The following SNRPD1 variants were observed in gnomAD, a reference collection of about 807,000 sequenced individuals.
SNRPD1 encodes the protein small nuclear ribonucleoprotein D1 polypeptide, also known as small nuclear ribonucleoprotein Sm D1.
In SNRPD1, 1 loss-of-function variant was observed where a neutral mutation model predicts 14.4. The observed-to-expected ratio is 0.07, with a 90% CI of 0.02 to 0.33. The LOEUF is 0.33. Ranked by LOEUF, SNRPD1 falls within the 10% of genes least tolerant of loss-of-function variation. The pLI is 1.00. For synonymous variants in SNRPD1, 42 were observed against 50.3 expected (o/e 0.83, Z 0.70); for missense variants, 52 against 146.4 (o/e 0.36, Z 3.33).
At chr18:21,623,494 G>T (rs1264786816) in intron 2 of SNRPD1, among the ~76,000 whole-genome samples, 1 of 152,162 alleles carries the variant, frequency 6.6e-6, no homozygotes, top group Non-Finnish European at 1.5e-5. Context: ...GCCCAGTCAG[G>T]GTTCTTCCAT....
chr18:21,625,686 CT>C (rs1346249975), intron 3 of SNRPD1, among the ~76,000 whole-genome samples: 4 of 152,178 alleles, frequency 2.6e-5, no homozygotes, highest in Admixed American at 2.6e-4. Context: ...TCTCGGCTCA[CT>C]GCAAGCTCCG....
chr18:21,626,028 A>G (rs537057466), intron 3 of SNRPD1, among the ~76,000 whole-genome samples: 18 of 152,312 alleles, frequency 1.2e-4, no homozygotes, highest in South Asian at 1.0e-3. Context: ...AGTGTGGTCA[A>G]TTTGGCCCAT....
intron 1 of SNRPD1, among the ~76,000 whole-genome samples, chr18:21,615,573 A>G (rs1023516328): frequency 2.0e-5 from 3 of 152,062 alleles, no homozygotes; most frequent in African/African-American, 7.2e-5. Context: ...AGCTGAGATC[A>G]CGCCATTGCA....
chr18:21,631,924 A>G lies in SNRPD1; in HGVS notation c.*2786A>G, dbSNP rs1325354003. The G allele has an allele frequency of 1.3e-5, 2 of 152,134 alleles. No homozygotes were observed. The highest frequency in any genetic ancestry group is 2.9e-5 in the Non-Finnish European group (2 of 68,040). 9.4% of individuals were successfully genotyped at this position (152,134 alleles called of 1,614,324 possible). A position where few individuals can be genotyped will look rare whatever the true frequency, so the allele number is the denominator to read the frequency against. ...AACCCTGCAAGAGTAGGAAATAAAC[A>G]GTTGGCTCCTGTCCTCGTGGAGCTT... is the stretch of plus-strand genomic sequence containing the variant. On this transcript the variant is annotated 3_prime_UTR_variant, in exon 4 of 4. Transcript: ENST00000300413.
At chr18:21,612,795 C>T (rs1310545775) in intron 1 of SNRPD1, among the ~76,000 whole-genome samples, 1 of 152,234 alleles carries the variant, frequency 6.6e-6, no homozygotes, top group East Asian at 1.9e-4. Context: ...ACTTAGAAAG[C>T]TGTATGAGCT....
chr18:21,625,008 C>A (rs185881584), intron 3 of SNRPD1, among the ~76,000 whole-genome samples: 3 of 152,098 alleles, frequency 2.0e-5, no homozygotes, highest in Non-Finnish European at 2.9e-5. Flanking sequence ...AGTACAGATA[C>A]AACCATCATA....
chr18:21,612,992 C>A (rs1437897370), intron 1 of SNRPD1, among the ~76,000 whole-genome samples: 2 of 152,144 alleles, frequency 1.3e-5, no homozygotes, highest in East Asian at 3.9e-4. Flanking sequence ...TTTGAGCCAC[C>A]GTGCCCGGCC....
intron 1 of SNRPD1, among the ~76,000 whole-genome samples, chr18:21,619,567 CT>C (rs2038982533): frequency 6.6e-6 from 1 of 151,294 alleles, no homozygotes; most frequent in Admixed American, 6.6e-5. Flanking sequence ...GGCAGATCAC[CT>C]GAGGTCAGAA....
intron 1 of SNRPD1, among the ~76,000 whole-genome samples, chr18:21,614,129 C>T (rs776994160): frequency 4.6e-4 from 70 of 150,658 alleles, no homozygotes; most frequent in Admixed American, 7.3e-4. Flanking sequence ...AAAAATTAGC[C>T]GGGCATGGTG....
At chr18:21,621,049 T>G (rs557306830) in intron 1 of SNRPD1, among the ~76,000 whole-genome samples, 1 of 151,848 alleles carries the variant, frequency 6.6e-6, no homozygotes, top group East Asian at 1.9e-4. Context: ...GCGCCTGTAA[T>G]CCCAGCTACT....
At chr18:21,615,612 C>T (rs572219686) in intron 1 of SNRPD1, among the ~76,000 whole-genome samples, 4 of 148,606 alleles carry the variant, frequency 2.7e-5, no homozygotes, top group African/African-American at 7.4e-5. Context: ...AGCGAGACTC[C>T]GTCTCAAAAA....
rs1424032426 is a variant in SNRPD1 at position 21,630,741 on chromosome 18, T to TG, written c.*1605dup. The TG allele has an allele frequency of 3.3e-5, 5 of 150,062 alleles. No homozygotes were observed. The highest frequency in any genetic ancestry group is 1.3e-4 in the Admixed American group (2 of 14,994). The allele number at this position is 150,062 out of a possible 1,614,324, so 9.3% of individuals were successfully genotyped here. On this transcript the variant is annotated 3_prime_UTR_variant, in exon 4 of 4. Coordinates refer to ENST00000300413, the MANE Select transcript of SNRPD1 (RefSeq NM_006938.4). ...TGCCACTGCACTCCAGCCTGGGCGATGGAGTGAGACTACGTCTCAAAAAAA... is the reference window on the plus strand; with the variant it reads ...TGCCACTGCACTCCAGCCTGGGCGATGGGAGTGAGACTACGTCTCAAAAAAA...
At chr18:21,622,606 T>G in intron 1 of SNRPD1, 119 bp from the exon 2 acceptor site, 2 of 605,438 alleles carry the variant, frequency 3.3e-6, no homozygotes, top group Non-Finnish European at 6.0e-6. Flanking sequence ...AGATTATTGA[T>G]AGGAATTGAT....
At chr18:21,622,110 T>A (rs2146259312) in intron 1 of SNRPD1, among the ~76,000 whole-genome samples, 1 of 152,236 alleles carries the variant, frequency 6.6e-6, no homozygotes, top group East Asian at 1.9e-4. Flanking sequence ...TATAATAAGC[T>A]TGTAATCTTT....
At position 21,632,853 on chromosome 18, in the gene SNRPD1, T is replaced by TTTTTC. The variant is rs2039094754; in HGVS notation, c.*3716_*3717insTTTCT. ...TTCTTTTCTTTTCTTTTCTTTTCTT[T>TTTTTC]TCTTTTTTTTTTTTTGAGACAGAGT... On this transcript the variant is annotated 3_prime_UTR_variant, in exon 4 of 4. Coordinates refer to ENST00000300413, the MANE Select transcript of SNRPD1 (RefSeq NM_006938.4). The TTTTTC allele has an allele frequency of 6.6e-6, 1 of 152,142 alleles. No individual in the cohort carries two copies. Among genetic ancestry groups the TTTTTC allele is most frequent in the Non-Finnish European group, 1.4e-5 (1 of 70,000 alleles). The allele number at this position is 152,142 out of a possible 1,614,324, so 9.4% of individuals were successfully genotyped here.
intron 3 of SNRPD1, among the ~76,000 whole-genome samples, chr18:21,626,379 GTA>G (rs2039038739): frequency 9.2e-6 from 1 of 108,138 alleles, no homozygotes. Flanking sequence ...GGGTGACAGA[GTA>G]AAACCCTGTC....
intron 3 of SNRPD1, among the ~76,000 whole-genome samples, chr18:21,627,305 G>A (rs572133041): frequency 2.6e-4 from 40 of 151,952 alleles, no homozygotes; most frequent in Non-Finnish European, 4.7e-4. Flanking sequence ...TGTAAAGACA[G>A]GGTCTCCCTA....
At chr18:21,625,315 A>ATT (rs748864232) in intron 3 of SNRPD1, among the ~76,000 whole-genome samples, 2 of 98,264 alleles carry the variant, frequency 2.0e-5, no homozygotes, top group African/African-American at 7.4e-5. Context: ...TGTTGAAAAA[A>ATT]ATTTTTTTTT....
chr18:21,615,133 G>A (rs1162648504), intron 1 of SNRPD1, among the ~76,000 whole-genome samples: 1 of 152,158 alleles, frequency 6.6e-6, no homozygotes, highest in Non-Finnish European at 1.5e-5. Flanking sequence ...CATACCCCTA[G>A]ATGCAACCAG....
Sources: gnomAD v4.1 joint callset for allele counts (sites outside exome capture counted in the v4.1 genomes callset) on GRCh38, gnomAD v4.1.1 for gene constraint, MANE v1.5 for transcripts, NCBI Gene and HGNC (gene_info 2026-07-23, HGNC 2026-07-21) for gene names.